The following PACRG variants were observed in gnomAD, a reference collection of about 807,000 sequenced individuals.
PACRG encodes parkin coregulated gene protein.
A neutral mutation model predicts 29.7 loss-of-function variants in PACRG; 29 were observed. The observed-to-expected ratio is 0.98, with a 90% CI of 0.73 to 1.33. The LOEUF (loss-of-function observed/expected upper bound fraction) is 1.33. Ranked by LOEUF, PACRG falls within the 40% of genes most tolerant of loss-of-function variation. The probability of loss-of-function intolerance (pLI) is 0.00; values close to 1 mark genes in which losing one functional copy is unlikely to be tolerated. For missense variants in PACRG, 279 were observed against 316.2 expected (o/e 0.88, Z 0.89); for synonymous variants, 116 against 118.7 (o/e 0.98, Z 0.15).
chr6:162,825,933 ATTTAT>A (rs71008115), intron 2 of PACRG, among the ~76,000 whole-genome samples: 2 of 151,544 alleles, frequency 1.3e-5, no homozygotes, highest in Non-Finnish European at 2.9e-5. Context: ...CTATGCATTT[ATTTAT>A]TTTATTTTAT....
chr6:163,214,028 T>G (rs1478623554), intron 4 of PACRG, among the ~76,000 whole-genome samples: 1 of 152,170 alleles, frequency 6.6e-6, no homozygotes, highest in Non-Finnish European at 1.5e-5. Context: ...TGGACTCGAT[T>G]CTGTTCTTAA....
At chr6:163,005,951 A>AT (rs1325183741) in intron 2 of PACRG, among the ~76,000 whole-genome samples, 1 of 146,840 alleles carries the variant, frequency 6.8e-6, no homozygotes, top group African/African-American at 2.5e-5. Context: ...ACAGTTATAC[A>AT]TGTTATGTGT....
At chr6:163,077,414 G>A (rs956707593) in intron 3 of PACRG, among the ~76,000 whole-genome samples, 2 of 152,168 alleles carry the variant, frequency 1.3e-5, no homozygotes, top group Non-Finnish European at 2.9e-5. Context: ...GGGCAGGCGT[G>A]CACAGACACA....
chr6:162,752,512 T>C (rs923436797), intron 1 of PACRG, among the ~76,000 whole-genome samples: 2 of 152,158 alleles, frequency 1.3e-5, no homozygotes, highest in African/African-American at 4.8e-5. Context: ...TGCAGAAAAT[T>C]ATCTGTGACT....
intron 2 of PACRG, among the ~76,000 whole-genome samples, chr6:162,828,352 T>C (rs976908448): frequency 6.6e-6 from 1 of 152,222 alleles, no homozygotes; most frequent in East Asian, 1.9e-4. Context: ...AGTGATCTGA[T>C]CATATTTAAA....
chr6:163,110,570 T>C (rs1236064933), intron 4 of PACRG, among the ~76,000 whole-genome samples: 1 of 152,198 alleles, frequency 6.6e-6, no homozygotes, highest in African/African-American at 2.4e-5. Flanking sequence ...ATTTGCTTCG[T>C]TCTTGTCTGA....
intron 2 of PACRG, among the ~76,000 whole-genome samples, chr6:162,857,886 GC>G (rs1191109989): frequency 6.6e-6 from 1 of 151,630 alleles, no homozygotes; most frequent in Non-Finnish European, 1.5e-5. Flanking sequence ...TCTTAATTCT[GC>G]CAATCATGTT....
At chr6:163,107,150 A>T (rs1388429203) in intron 4 of PACRG, among the ~76,000 whole-genome samples, 6 of 152,172 alleles carry the variant, frequency 3.9e-5, no homozygotes, top group Admixed American at 3.9e-4. Context: ...GAAAAGCACA[A>T]GGGCATTTTA....
chr6:163,017,652 A>C (rs2128217888), intron 2 of PACRG, among the ~76,000 whole-genome samples: 1 of 152,272 alleles, frequency 6.6e-6, no homozygotes, highest in Middle Eastern at 3.4e-3. Flanking sequence ...TGTTGCAGAA[A>C]GTTGATGTAA....
At chr6:163,062,706 G>T (rs888627107) in intron 3 of PACRG, among the ~76,000 whole-genome samples, 2 of 152,084 alleles carry the variant, frequency 1.3e-5, no homozygotes, top group African/African-American at 2.4e-5. Context: ...TATATTTGAG[G>T]TAGTACCATT....
chr6:163,106,084 T>C (rs1472120778), intron 4 of PACRG, among the ~76,000 whole-genome samples: 2 of 152,136 alleles, frequency 1.3e-5, no homozygotes, highest in African/African-American at 4.8e-5. Flanking sequence ...CATTTAATCC[T>C]CACAAACCCA....
In PACRG at chr6:162,765,128, C is replaced by G. The variant is rs75262552; in HGVS notation, c.156+36737C>G. Among the ~76,000 whole-genome samples, 1,091 of 152,124 alleles carry G rather than the reference C, an allele frequency of 7.2e-3. 19 individuals are homozygous for G. Among genetic ancestry groups the G allele is most frequent in the African/African-American group, 0.025 (1,049 of 41,514 alleles). On this transcript the variant is annotated intron_variant, in intron 1 of 4. Coordinates refer to ENST00000366888, the MANE Select transcript of PACRG (RefSeq NM_001080379.2). ...TCATCATCTTGTTCTCTCTACCTAT[C>G]TATTCATAAATCTATTATCTATCTT...
intron 4 of PACRG, among the ~76,000 whole-genome samples, chr6:163,168,066 A>G (rs1778899631): frequency 1.3e-5 from 2 of 152,120 alleles, no homozygotes; most frequent in Non-Finnish European, 2.9e-5. Context: ...TTTGAACTTG[A>G]CCTTAAATAT....
chr6:162,805,965 T>C (rs1342794917), intron 1 of PACRG, among the ~76,000 whole-genome samples: 1 of 152,210 alleles, frequency 6.6e-6, no homozygotes. Flanking sequence ...TTTGACCTCT[T>C]CCTATGAATC....
intron 4 of PACRG, among the ~76,000 whole-genome samples, chr6:163,114,380 C>T (rs56002136): frequency 0.099 from 14,998 of 152,088 alleles, 2,438 homozygotes; most frequent in African/African-American, 0.33. Flanking sequence ...GGATATTAAA[C>T]GTAATCCTTA....
intron 2 of PACRG, among the ~76,000 whole-genome samples, chr6:162,870,578 C>A (rs1375425505): frequency 6.6e-6 from 1 of 152,128 alleles, no homozygotes; most frequent in Non-Finnish European, 1.5e-5. Context: ...GACCCCCTTC[C>A]CATGCTTTCC....
chr6:162,933,766 A>T (rs930361007), intron 2 of PACRG, among the ~76,000 whole-genome samples: 2 of 151,636 alleles, frequency 1.3e-5, no homozygotes, highest in Non-Finnish European at 1.5e-5. Flanking sequence ...AATTTTGGGG[A>T]AAAAAAAGGT....
rs113209112 is a variant in PACRG, at chr6:162,774,428, G to GA, written c.157-39714dup. 7.0e-3 allele frequency among the ~76,000 whole-genome samples: 1,066 copies of GA among 152,274 alleles called. 19 individuals are homozygous for GA. The highest frequency in any genetic ancestry group is 0.025 in the African/African-American group (1,025 of 41,548). ...TTCATAAATCAGGAATAGTTAACAGGAAAAATGATAGATATGTTTGTAATG... is the reference window on the plus strand; with the variant it reads ...TTCATAAATCAGGAATAGTTAACAGGAAAAAATGATAGATATGTTTGTAATG... On this transcript the variant is annotated intron_variant, in intron 1 of 4. Transcript: ENST00000366888.
At position 163,269,902 on chromosome 6, in the gene PACRG, G is replaced by GA. The variant is rs532538281; in HGVS notation, c.614-44922dup. ...GAAAGAAAGAAAGAAAACAAAGAAAGAAAGAAAGAAAGAAAGAAAGAAAGA... is the reference window on the plus strand; with the variant it reads ...GAAAGAAAGAAAGAAAACAAAGAAAGAAAAGAAAGAAAGAAAGAAAGAAAGA... On this transcript the variant is annotated intron_variant, in intron 4 of 4. Coordinates refer to ENST00000366888, the MANE Select transcript of PACRG (RefSeq NM_001080379.2). 6.2e-5 allele frequency among the ~76,000 whole-genome samples: 4 copies of GA among 64,112 alleles called. 1 individual carries two copies. The highest frequency in any genetic ancestry group is 3.7e-4 in the African/African-American group (4 of 10,804). The allele number at this position is 64,112 out of a possible 152,430, so 42.1% of individuals were successfully genotyped here.
Sources: gnomAD v4.1 joint callset for allele counts (sites outside exome capture counted in the v4.1 genomes callset) on GRCh38, gnomAD v4.1.1 for gene constraint, MANE v1.5 for transcripts, NCBI Gene and HGNC (gene_info 2026-07-23, HGNC 2026-07-21) for gene names.